NUBPL: variants seen among roughly 807,000 people sequenced by gnomAD.
The protein encoded by NUBPL is iron-sulfur cluster transfer protein NUBPL.
A neutral mutation model predicts 45.7 loss-of-function variants in NUBPL; 31 were observed. The ratio of observed to expected loss-of-function variants is 0.68; its 90% confidence interval spans 0.51 to 0.92. The LOEUF (loss-of-function observed/expected upper bound fraction) is 0.92, where lower values mean the gene tolerates loss of function less well. NUBPL is among the 40% of genes least tolerant of loss of function. NUBPL has a pLI of 0.00. For synonymous variants in NUBPL, 144 were observed against 140.9 expected (o/e 1.02, Z -0.15); for missense variants, 401 against 398.7 (o/e 1.01, Z -0.05).
At chr14:31,763,239 C>T (rs113917012) in intron 6 of NUBPL, among the ~76,000 whole-genome samples, 1,619 of 152,200 alleles carry the variant, frequency 0.011, 23 homozygotes, top group African/African-American at 0.037. Context: ...TTTTGATTGC[C>T]TCTGTGTTTA....
At chr14:31,785,106 C>T (rs549109995) in intron 6 of NUBPL, among the ~76,000 whole-genome samples, 3 of 152,326 alleles carry the variant, frequency 2.0e-5, no homozygotes, top group African/African-American at 7.2e-5. Flanking sequence ...CCTTACTCTA[C>T]ACCGTCTGAC....
At chr14:31,826,806 T>G (rs926839723) in intron 8 of NUBPL, 92 bp downstream of exon 8, 5 of 1,243,560 alleles carry the variant, frequency 4.0e-6, no homozygotes, top group Non-Finnish European at 5.9e-6. Flanking sequence ...TTTAATTTAG[T>G]CCTGTACAGA....
At position 31,850,123 on chromosome 14, in the gene NUBPL, C is replaced by T. The variant is rs1287464863; in HGVS notation, c.819C>T (p.Asp273=). 1 of 1,612,880 alleles carries T rather than the reference C, an allele frequency of 6.2e-7. No individual in the cohort carries two copies. The highest frequency in any genetic ancestry group is 1.1e-5 in the South Asian group (1 of 91,044). Residue 273 remains aspartate, a synonymous_variant, in exon 10 of 11, where the codon GAC becomes GAT. Coordinates refer to ENST00000281081, the MANE Select transcript of NUBPL (RefSeq NM_025152.3). ...AQTLGLEVLG[D]IPLHLNIREA... is the part of the protein sequence containing the mutation. Reference sequence around the variant, plus strand: ...ATGTCTGCTGGGCTCTTTTAGGAGACATTCCCTTACACCTTAATATAAGGG... The same window carrying T: ...ATGTCTGCTGGGCTCTTTTAGGAGATATTCCCTTACACCTTAATATAAGGG...
chr14:31,799,081 TA>T (rs1294662742), intron 7 of NUBPL, among the ~76,000 whole-genome samples: 1 of 152,174 alleles, frequency 6.6e-6, no homozygotes, highest in Non-Finnish European at 1.5e-5. Context: ...TGCATTTCTA[TA>T]AGCTATGTTG....
At chr14:31,787,588 A>G (rs1181933253) in intron 6 of NUBPL, among the ~76,000 whole-genome samples, 192 bp from the exon 7 acceptor site, 1 of 152,200 alleles carries the variant, frequency 6.6e-6, no homozygotes. Context: ...CCATTCAAAG[A>G]AGGCCTCCTA....
intron 6 of NUBPL, among the ~76,000 whole-genome samples, chr14:31,694,116 G>C (rs909089721): frequency 1.3e-5 from 2 of 151,898 alleles, no homozygotes; most frequent in African/African-American, 2.4e-5. Flanking sequence ...CGGCCTCCCA[G>C]AGTGCTGGGA....
intron 4 of NUBPL, among the ~76,000 whole-genome samples, chr14:31,647,335 T>A (rs950119026): frequency 4.0e-5 from 6 of 151,542 alleles, no homozygotes; most frequent in African/African-American, 1.5e-4. Context: ...CTTGCTTTGG[T>A]TTTTATTGGA....
chr14:31,563,464 T>C (rs543219302), intron 2 of NUBPL, among the ~76,000 whole-genome samples: 2 of 152,344 alleles, frequency 1.3e-5, no homozygotes, highest in African/African-American at 4.8e-5. Context: ...TAAATGTCCC[T>C]TTCTCACTTT....
intron 8 of NUBPL, among the ~76,000 whole-genome samples, chr14:31,835,619 G>A (rs2040268639): frequency 6.6e-6 from 1 of 152,106 alleles, no homozygotes; most frequent in African/African-American, 2.4e-5. Context: ...AAGAATGCAG[G>A]ACATAGAGAA....
intron 4 of NUBPL, among the ~76,000 whole-genome samples, chr14:31,652,375 C>T (rs76789458): frequency 0.01 from 1,547 of 152,216 alleles, 28 homozygotes; most frequent in African/African-American, 0.036. Flanking sequence ...AGCCATTGTA[C>T]AGCGTGGGGA....
chr14:31,808,232 A>G (rs1160083919), intron 7 of NUBPL, among the ~76,000 whole-genome samples: 3 of 152,026 alleles, frequency 2.0e-5, no homozygotes, highest in South Asian at 4.1e-4. Context: ...CATTTTCACG[A>G]TATTGATTCT....
intron 7 of NUBPL, among the ~76,000 whole-genome samples, chr14:31,790,069 G>C (rs932725556): frequency 1.3e-5 from 2 of 152,048 alleles, no homozygotes; most frequent in African/African-American, 4.8e-5. Flanking sequence ...TATTCATATA[G>C]ATAATACATT....
At chr14:31,714,780 T>C (rs1277473550) in intron 6 of NUBPL, 8 of 152,186 alleles carry the variant, frequency 5.3e-5, no homozygotes, top group African/African-American at 1.9e-4. Context: ...CCCAGAGTTG[T>C]CTACTTTCAG....
intron 8 of NUBPL, among the ~76,000 whole-genome samples, chr14:31,834,440 A>T (rs924035210): frequency 6.6e-6 from 1 of 152,040 alleles, no homozygotes; most frequent in Non-Finnish European, 1.5e-5. Context: ...TGGCCTCCCA[A>T]AGTGCTGGGA....
intron 3 of NUBPL, among the ~76,000 whole-genome samples, chr14:31,567,341 A>G (rs1025569210): frequency 6.6e-6 from 1 of 152,178 alleles, no homozygotes; most frequent in African/African-American, 2.4e-5. Flanking sequence ...GCCCTGCAGT[A>G]TCAAGCTTTG....
At chr14:31,693,770 C>T (rs1275238068) in intron 6 of NUBPL, among the ~76,000 whole-genome samples, 2 of 122,276 alleles carry the variant, frequency 1.6e-5, no homozygotes, top group Non-Finnish European at 3.2e-5. Context: ...TTGGACAGGG[C>T]GGTAGCCTTT....
chr14:31,666,263 A>ATTTATTTT, intron 4 of NUBPL, among the ~76,000 whole-genome samples: 1 of 111,888 alleles, frequency 8.9e-6, no homozygotes, highest in African/African-American at 3.1e-5. Flanking sequence ...ATATATATAT[A>ATTTATTTT]ATTTTATTTT....
chr14:31,728,312 A>T (rs541146507), intron 6 of NUBPL, among the ~76,000 whole-genome samples: 19 of 151,762 alleles, frequency 1.3e-4, no homozygotes, highest in Admixed American at 1.1e-3. Flanking sequence ...AAATTTATTT[A>T]TTATTATTAT....
At chr14:31,676,733 C>T (rs1407655145) in intron 6 of NUBPL, among the ~76,000 whole-genome samples, 1 of 151,688 alleles carries the variant, frequency 6.6e-6, no homozygotes, top group Admixed American at 6.6e-5. Flanking sequence ...CGTGTCTGTT[C>T]AAGTCTTCTA....
Sources: allele counts gnomAD v4.1 joint callset (sites outside exome capture counted in the v4.1 genomes callset), GRCh38; gene constraint gnomAD v4.1.1; transcripts MANE v1.5; gene names NCBI Gene and HGNC (gene_info 2026-07-23, HGNC 2026-07-21).